Variants in SWT1 observed in about 807,000 individuals in gnomAD.
The protein encoded by SWT1 is transcriptional protein SWT1.
SWT1 carries 33 observed loss-of-function variants against 107.3 expected under a neutral mutation model. The ratio of observed to expected loss-of-function variants is 0.31; its 90% CI spans 0.23 to 0.41. SWT1 has a LOEUF of 0.41. Among genes scored for constraint, SWT1 ranks in the 10% least tolerant of loss-of-function variants. The probability of loss-of-function intolerance (pLI) is 1.00; values close to 1 mark genes in which losing one functional copy is unlikely to be tolerated. For synonymous variants in SWT1, 345 were observed against 348.3 expected, an observed-to-expected ratio of 0.99 and a Z score of 0.11; for missense variants, 898 against 1,028.9, an observed-to-expected ratio of 0.87 and a Z score of 1.74.
intron 16 of SWT1, among the ~76,000 whole-genome samples, chr1:185,236,798 T>G (rs1164734137): frequency 6.6e-6 from 1 of 151,888 alleles, no homozygotes; most frequent in Non-Finnish European, 1.5e-5. Context: ...TGGGAGAAAA[T>G]TTTTGCAATC....
At chr1:185,245,081 C>CT (rs1661511193) in intron 16 of SWT1, among the ~76,000 whole-genome samples, 1 of 152,118 alleles carries the variant, frequency 6.6e-6, no homozygotes, top group Non-Finnish European at 1.5e-5. Flanking sequence ...GACCCCATCT[C>CT]TAAGAACGAT....
intron 16 of SWT1, among the ~76,000 whole-genome samples, chr1:185,259,551 G>C (rs902340974): frequency 6.6e-6 from 1 of 152,042 alleles, no homozygotes; most frequent in Non-Finnish European, 1.5e-5. Context: ...TTTATGTTGA[G>C]ATCAGTAACT....
intron 16 of SWT1, among the ~76,000 whole-genome samples, chr1:185,247,586 G>A (rs1242789447): frequency 6.6e-6 from 1 of 152,180 alleles, no homozygotes; most frequent in Admixed American, 6.5e-5. Flanking sequence ...GGGAAATTTT[G>A]TTGTACTGAA....
chr1:185,161,507 C>G (rs931659836), intron 2 of SWT1, among the ~76,000 whole-genome samples: 1 of 151,654 alleles, frequency 6.6e-6, no homozygotes, highest in African/African-American at 2.4e-5. Flanking sequence ...AGTCTAAGAC[C>G]AGCCTAGGCA....
intron 16 of SWT1, among the ~76,000 whole-genome samples, chr1:185,255,542 C>T (rs1445277925): frequency 1.6e-5 from 2 of 127,462 alleles, no homozygotes; most frequent in Non-Finnish European, 3.2e-5. Context: ...TAATGGCCTT[C>T]TTTGTCTCTT....
At chr1:185,215,313 C>T (rs1372675568) in intron 14 of SWT1, among the ~76,000 whole-genome samples, 1 of 152,016 alleles carries the variant, frequency 6.6e-6, no homozygotes, top group African/African-American at 2.4e-5. Flanking sequence ...CTTTTTCCCC[C>T]AGGTGCTCTT....
intron 15 of SWT1, among the ~76,000 whole-genome samples, chr1:185,228,033 G>A (rs1017131894): frequency 2.6e-5 from 4 of 151,922 alleles, no homozygotes; most frequent in African/African-American, 9.7e-5. Flanking sequence ...AGAAGCTGCA[G>A]TGAGCTGTAA....
chr1:185,190,329 A>T (rs373648489), intron 9 of SWT1, among the ~76,000 whole-genome samples: 13 of 152,316 alleles, frequency 8.5e-5, no homozygotes, highest in African/African-American at 2.4e-4. Flanking sequence ...TGACATCATT[A>T]TCACTCTGAG....
chr1:185,174,828 T>C lies in SWT1; in HGVS notation c.681T>C (p.Ser227=). The C allele has an allele frequency of 6.2e-7, 1 of 1,614,010 alleles. No individual in the cohort carries two copies. Among genetic ancestry groups the C allele is most frequent in the South Asian group, 1.1e-5 (1 of 91,032 alleles). ...AGATAATTAAGGAACCCTTGGGATC[T>C]AGAAGACAGAAGATCAGTTTCAAAA... ...SNKIIKEPLG[S]RRQKISFKIP... Residue 227 remains serine (S), a synonymous_variant, in exon 5 of 19, where the codon TCT becomes TCC. Coordinates refer to ENST00000367500, the MANE Select transcript of SWT1 (RefSeq NM_017673.7).
Position 185,184,753 on chromosome 1 carries a change from A to T in SWT1, c.1251A>T (p.Lys417Asn). Residue 417 changes from lysine to asparagine, a missense_variant, in exon 9 of 19, where the codon AAA becomes AAT. By Grantham distance (94) the Lys-to-Asn change is moderately conservative (BLOSUM62 0). Around this residue, in one of 6 missense-constraint regions of SWT1, gnomAD observed 94 missense variants for 114.5 expected, o/e 0.82. Coordinates refer to ENST00000367500, the MANE Select transcript of SWT1 (RefSeq NM_017673.7). The stretch of plus-strand genomic sequence containing the variant: ...CTTTTTATTTTTTAGGTTTTGACAA[A>T]CTTGTGTTAATAATTCCCTGGGTCG... ...LKTTEVPGFD[K>N]LVLIIPWVVM... 1 of 1,606,524 alleles carries T rather than the reference A, an allele frequency of 6.2e-7. No homozygotes were observed. The highest frequency in any genetic ancestry group is 1.1e-5 in the South Asian group (1 of 89,294).
chr1:185,246,128 AT>A (rs1475584339), intron 16 of SWT1, among the ~76,000 whole-genome samples: 1 of 152,104 alleles, frequency 6.6e-6, no homozygotes. Flanking sequence ...CCAAAATGTC[AT>A]TGTGCAGTGC....
At chr1:185,184,455 T>A in intron 8 of SWT1, 111 bp downstream of exon 8, 1 of 694,272 alleles carries the variant, frequency 1.4e-6, no homozygotes, top group South Asian at 1.8e-5. Flanking sequence ...AGATATGCTA[T>A]ATATTAAGCA....
At chr1:185,286,046 C>G (rs1249185798) in intron 18 of SWT1, among the ~76,000 whole-genome samples, 1 of 152,146 alleles carries the variant, frequency 6.6e-6, no homozygotes, top group Non-Finnish European at 1.5e-5. Flanking sequence ...GCAATTCTAT[C>G]TGAATTTTAG....
chr1:185,244,323 A>C (rs564743051), intron 16 of SWT1, among the ~76,000 whole-genome samples: 1 of 152,158 alleles, frequency 6.6e-6, no homozygotes, highest in Admixed American at 6.5e-5. Context: ...GGAATAGCCC[A>C]CTACACACCT....
intron 15 of SWT1, among the ~76,000 whole-genome samples, chr1:185,230,625 T>C (rs780031675): frequency 6.6e-6 from 1 of 152,142 alleles, no homozygotes; most frequent in Non-Finnish European, 1.5e-5. Flanking sequence ...GCACAACATG[T>C]TTTGGATTTT....
chr1:185,194,711 C>G (rs986894588), intron 10 of SWT1, among the ~76,000 whole-genome samples: 1 of 152,014 alleles, frequency 6.6e-6, no homozygotes, highest in African/African-American at 2.4e-5. Context: ...ATTTTTGTTA[C>G]TGTGTTTTTT....
At chr1:185,163,906 A>C (rs1408181443) in intron 2 of SWT1, among the ~76,000 whole-genome samples, 1 of 152,212 alleles carries the variant, frequency 6.6e-6, no homozygotes, top group Non-Finnish European at 1.5e-5. Flanking sequence ...GGCATCTAGA[A>C]TGGGGAATCC....
chr1:185,222,762 C>CAAAAAAAAAAAAA (rs59515070), intron 15 of SWT1, among the ~76,000 whole-genome samples: 1 of 36,090 alleles, frequency 2.8e-5, no homozygotes, highest in Non-Finnish European at 6.3e-5. Context: ...GACGCCATCT[C>CAAAAAAAAAAAAA]AAAAAAAAAA....
At chr1:185,231,753 T>C in intron 16 of SWT1, 45 bp downstream of exon 16, 2 of 1,506,162 alleles carry the variant, frequency 1.3e-6, no homozygotes, top group Non-Finnish European at 1.8e-6. Context: ...TTATTACTTT[T>C]CTCTTTCTCC....
Sources: gnomAD v4.1 joint callset for allele counts (sites outside exome capture counted in the v4.1 genomes callset) on GRCh38, gnomAD v4.1.1 for gene constraint, gnomAD v4.1.1 regional missense constraint, MANE v1.5 for transcripts, NCBI Gene and HGNC (gene_info 2026-07-23, HGNC 2026-07-21) for gene names.